Variants in TMEM255A observed in about 807,000 individuals in gnomAD.
The protein encoded by TMEM255A is family with sequence similarity 70, member A.
TMEM255A carries 14 observed loss-of-function variants against 23.5 expected under a neutral mutation model. The ratio of observed to expected loss-of-function variants is 0.60; its 90% CI spans 0.39 to 0.93. The LOEUF (loss-of-function observed/expected upper bound fraction) is 0.93, where lower values mean the gene tolerates loss of function less well. Ranked by LOEUF, TMEM255A falls within the 40% of genes least tolerant of loss-of-function variation. The pLI is 0.00. For missense variants in TMEM255A, 233 were observed against 261.7 expected (o/e 0.89, Z 0.76); for synonymous variants, 104 against 100.3 (o/e 1.04, Z -0.22).
At chrX:120,286,219 C>T (rs1348276081) in intron 5 of TMEM255A, among the ~76,000 whole-genome samples, 2 of 112,047 alleles carry the variant, frequency 1.8e-5, no homozygotes, top group Non-Finnish European at 3.8e-5. Context: ...TCCAAGGGCA[C>T]CCATTCACAT....
chrX:120,281,734 C>G (rs1170918221), intron 6 of TMEM255A, among the ~76,000 whole-genome samples: 1 of 112,496 alleles, frequency 8.9e-6, no homozygotes, highest in African/African-American at 3.2e-5. Context: ...CAAATCACTT[C>G]ATTTCCTTTA....
chrX:120,301,017 C>G (rs1012354488), intron 2 of TMEM255A, among the ~76,000 whole-genome samples: 1 of 111,163 alleles, frequency 9.0e-6, no homozygotes, highest in Non-Finnish European at 1.9e-5. Flanking sequence ...CCACCGTGCC[C>G]AGCCTGGTTT....
Position 120,291,326 on chromosome X carries a change from G to A in TMEM255A, c.279C>T (p.Ile93=), listed in dbSNP as rs143048894. The A allele has an allele frequency of 4.8e-4, 573 of 1,205,004 alleles. 1 individual carries two copies. The highest frequency in any genetic ancestry group is 6.3e-4 in the Non-Finnish European group (558 of 892,442). The change falls in exon 4 of 9, where the codon ATC becomes ATT. Residue 93 remains isoleucine (I), a synonymous_variant. Transcript: ENST00000371369. ...ENKRQMLVAS[I]VFISFGVIAA... Reference sequence around the variant, plus strand: ...CAATCACACCAAAGCTGATAAACACGATAGAAGCCACCAGCTGTAGGGGGG... The same window carrying A: ...CAATCACACCAAAGCTGATAAACACAATAGAAGCCACCAGCTGTAGGGGGG...
At chrX:120,254,519 T>A, downstream of TMEM255A, 1 of 1,212,023 alleles carries the variant, frequency 8.3e-7, no homozygotes, top group East Asian at 3.0e-5. Context: ...CCAGTTTTGA[T>A]GGATCATTAA....
At chrX:120,271,986 G>A (rs782570436) in intron 7 of TMEM255A, among the ~76,000 whole-genome samples, 10 of 112,410 alleles carry the variant, frequency 8.9e-5, no homozygotes, top group Non-Finnish European at 1.3e-4. Flanking sequence ...TCTAGTATCC[G>A]CTATTTATAA....
chrX:120,311,168 G>T, intron 1 of TMEM255A, 84 bp downstream of exon 1: 1 of 882,789 alleles, frequency 1.1e-6, no homozygotes, highest in Non-Finnish European at 1.6e-6. Flanking sequence ...TCCGGCTTTT[G>T]GGGCAGCTGG....
chrX:120,294,072 C>A, intron 2 of TMEM255A, 21 bp from the exon 3 acceptor site: 4 of 1,111,562 alleles, frequency 3.6e-6, no homozygotes, highest in Non-Finnish European at 4.9e-6. Context: ...ATATGGCATA[C>A]ATAGTATGTG....
At chrX:120,304,586 C>T in intron 1 of TMEM255A, 95 bp from the exon 2 acceptor site, 1 of 970,340 alleles carries the variant, frequency 1.0e-6, no homozygotes. Flanking sequence ...CTTTCCTATT[C>T]CTACCGGTAA....
intron 8 of TMEM255A, among the ~76,000 whole-genome samples, chrX:120,263,776 G>A (rs1214616948): frequency 9.2e-6 from 1 of 109,095 alleles, no homozygotes; most frequent in Non-Finnish European, 1.9e-5. Flanking sequence ...GGAAAGGAGG[G>A]GACGAAAGGA....
chrX:120,296,221 C>T (rs1556024011), intron 2 of TMEM255A, among the ~76,000 whole-genome samples: 1 of 111,140 alleles, frequency 9.0e-6, no homozygotes, highest in Non-Finnish European at 1.9e-5. Context: ...AGCAAAGACA[C>T]TCTCTATTCC....
At chrX:120,275,921 T>C (rs1287073252) in intron 7 of TMEM255A, among the ~76,000 whole-genome samples, 1 of 106,936 alleles carries the variant, frequency 9.4e-6, no homozygotes, top group Non-Finnish European at 1.9e-5. Flanking sequence ...GCCTCCCAAG[T>C]AGCTGGGACT....
chrX:120,285,945 C>G, intron 5 of TMEM255A: 3 of 1,150,765 alleles, frequency 2.6e-6, no homozygotes, highest in African/African-American at 1.8e-5. Context: ...CAATGAAGTG[C>G]TGCTAAATTT....
chrX:120,310,685 C>G (rs1274156921), intron 1 of TMEM255A, among the ~76,000 whole-genome samples: 1 of 64,187 alleles, frequency 1.6e-5, no homozygotes, highest in Non-Finnish European at 2.8e-5. Flanking sequence ...CCTCATCCCC[C>G]CCTTTCTTCT....
At chrX:120,264,070 A>G (rs1254779239) in intron 8 of TMEM255A, among the ~76,000 whole-genome samples, 4 of 111,753 alleles carry the variant, frequency 3.6e-5, no homozygotes, top group East Asian at 2.8e-4. Flanking sequence ...CTGGTCACCA[A>G]ATGGATAGGA....
At chrX:120,272,206 A>C (rs942223413) in intron 7 of TMEM255A, among the ~76,000 whole-genome samples, 2 of 110,975 alleles carry the variant, frequency 1.8e-5, no homozygotes, top group Non-Finnish European at 3.8e-5. Context: ...GGCCCTGAGC[A>C]TTTGCTTAGT....
chrX:120,277,087 G>A, intron 6 of TMEM255A, 40 bp from the exon 7 acceptor site: 2 of 1,158,890 alleles, frequency 1.7e-6, no homozygotes, highest in South Asian at 3.9e-5. Context: ...TCCCCAGGGA[G>A]CAGGCTGTCC....
intron 7 of TMEM255A, among the ~76,000 whole-genome samples, chrX:120,269,325 A>G (rs2057739425): frequency 1.8e-5 from 2 of 111,804 alleles, no homozygotes; most frequent in South Asian, 7.5e-4. Context: ...TTTGTGCCAC[A>G]TGGATCAAGG....
intron 6 of TMEM255A, among the ~76,000 whole-genome samples, chrX:120,279,370 C>T (rs1432382543): frequency 8.9e-6 from 1 of 112,165 alleles, no homozygotes; most frequent in Non-Finnish European, 1.9e-5. Context: ...CATAAGCATA[C>T]ATTGTCTCCT....
At chrX:120,265,933 A>G (rs782000601) in intron 8 of TMEM255A, among the ~76,000 whole-genome samples, 1 of 102,904 alleles carries the variant, frequency 9.7e-6, no homozygotes, top group African/African-American at 3.6e-5. Flanking sequence ...TCACGAGGTC[A>G]GGAGTTTGAG....
Sources: gnomAD v4.1 joint callset for allele counts (sites outside exome capture counted in the v4.1 genomes callset) on GRCh38, gnomAD v4.1.1 for gene constraint, MANE v1.5 for transcripts, NCBI Gene and HGNC (gene_info 2026-07-23, HGNC 2026-07-21) for gene names.